The following HS6ST2 variants were observed in gnomAD, a reference collection of about 807,000 sequenced individuals.
The protein encoded by HS6ST2 is heparan-sulfate 6-O-sulfotransferase 2.
HS6ST2 carries 17 observed loss-of-function variants against 33.0 expected under a neutral mutation model. That is an observed-to-expected ratio of 0.52 (90% CI 0.35 to 0.77). The LOEUF is 0.77. Among genes scored for constraint, HS6ST2 ranks in the 30% least tolerant of loss-of-function variants. The pLI is 0.01. For synonymous variants in HS6ST2, 248 were observed against 237.1 expected, an observed-to-expected ratio of 1.05 and a Z score of -0.42; for missense variants, 519 against 551.7, an observed-to-expected ratio of 0.94 and a Z score of 0.59.
At chrX:132,863,634 C>A (rs1035192734) in intron 2 of HS6ST2, among the ~76,000 whole-genome samples, 2 of 110,490 alleles carry the variant, frequency 1.8e-5, no homozygotes, top group Admixed American at 9.7e-5. Flanking sequence ...ATATTTGGTT[C>A]TTAAAATCAT....
At chrX:132,863,946 C>T (rs183701016) in intron 2 of HS6ST2, among the ~76,000 whole-genome samples, 69 of 111,594 alleles carry the variant, frequency 6.2e-4, no homozygotes, top group African/African-American at 2.1e-3. Context: ...GCTGATGATA[C>T]CCAGGCAAAC....
intron 2 of HS6ST2, among the ~76,000 whole-genome samples, chrX:132,881,989 T>A (rs2066180283): frequency 9.0e-6 from 1 of 111,627 alleles, no homozygotes; most frequent in Non-Finnish European, 1.9e-5. Flanking sequence ...TCTATATCTC[T>A]GTTTTGGTAC....
chrX:132,884,755 T>A (rs1304646796), intron 2 of HS6ST2, among the ~76,000 whole-genome samples: 1 of 111,562 alleles, frequency 9.0e-6, no homozygotes, highest in Non-Finnish European at 1.9e-5. Flanking sequence ...TATCAGATCA[T>A]GTTTGTAGAC....
intron 2 of HS6ST2, chrX:132,907,476 G>GTT (rs2066485882): frequency 8.7e-6 from 1 of 114,950 alleles, no homozygotes; most frequent in Non-Finnish European, 1.8e-5. Flanking sequence ...GCAAGATATT[G>GTT]TAAGTAAAAA....
chrX:132,628,458 G>A lies in HS6ST2; in HGVS notation c.1703C>T (p.Thr568Ile), dbSNP rs1569474830. 1 of 1,210,445 alleles carries A rather than the reference G, an allele frequency of 8.3e-7. No individual in the cohort carries two copies. Among genetic ancestry groups the A allele is most frequent in the East Asian group, 3.0e-5 (1 of 33,758 alleles). The change falls in exon 5 of 5, where the codon ACC becomes ATC. Residue 568 changes from threonine to isoleucine, a missense_variant. Thr to Ile is a moderately conservative substitution (Grantham distance 89, BLOSUM62 -1). Coordinates refer to ENST00000370833, the MANE Select transcript of HS6ST2 (RefSeq NM_001394073.1). ...GCCCTGACCCTGGCTCTGGAAATGG[G>A]TCTGAAGGAGCCTTCCCTTCAGAAA... ...RKFLKGRLLQ[T>I]HFQSQGQGQS...
At chrX:132,641,010 T>G (rs2063598253) in intron 4 of HS6ST2, among the ~76,000 whole-genome samples, 1 of 112,055 alleles carries the variant, frequency 8.9e-6, no homozygotes, top group Non-Finnish European at 1.9e-5. Flanking sequence ...CAATTGGTAG[T>G]TTTTCAACCC....
chrX:132,911,101 G>A (rs2066529082), intron 2 of HS6ST2, among the ~76,000 whole-genome samples: 2 of 104,978 alleles, frequency 1.9e-5, no homozygotes, highest in Non-Finnish European at 3.9e-5. Flanking sequence ...ATTGAGCTGA[G>A]ATTGCAGCAC....
At chrX:132,880,055 G>A (rs189060963) in intron 2 of HS6ST2, among the ~76,000 whole-genome samples, 2 of 111,528 alleles carry the variant, frequency 1.8e-5, no homozygotes, top group East Asian at 5.7e-4. Context: ...AATGCCTAGC[G>A]GCTGGCATCC....
intron 2 of HS6ST2, among the ~76,000 whole-genome samples, chrX:132,777,367 G>T (rs1471328266): frequency 1.8e-5 from 2 of 109,491 alleles, no homozygotes; most frequent in Non-Finnish European, 3.8e-5. Context: ...AAAAAAATAA[G>T]TTAAAATGAT....
chrX:132,822,315 C>G (rs1393369553), intron 2 of HS6ST2, among the ~76,000 whole-genome samples: 1 of 111,440 alleles, frequency 9.0e-6, no homozygotes, highest in Non-Finnish European at 1.9e-5. Context: ...ACCTCTCCTT[C>G]CATCCCTGCC....
At chrX:132,892,701 C>A (rs1340901529) in intron 2 of HS6ST2, among the ~76,000 whole-genome samples, 3 of 111,578 alleles carry the variant, frequency 2.7e-5, no homozygotes, top group Non-Finnish European at 5.6e-5. Flanking sequence ...TGTCTGTAAT[C>A]CCAGCTACCC....
intron 2 of HS6ST2, among the ~76,000 whole-genome samples, chrX:132,754,381 A>G (rs993941614): frequency 5.5e-5 from 6 of 109,370 alleles, no homozygotes; most frequent in African/African-American, 2.0e-4. Flanking sequence ...AGGTTAATCC[A>G]TGGTAAGGAT....
chrX:132,920,162 G>C (rs761235006), intron 2 of HS6ST2, among the ~76,000 whole-genome samples: 1 of 110,826 alleles, frequency 9.0e-6, no homozygotes, highest in Non-Finnish European at 1.9e-5. Context: ...GATTCGGCCC[G>C]TCCATCCACC....
intron 2 of HS6ST2, among the ~76,000 whole-genome samples, chrX:132,797,632 G>A (rs1832421429): frequency 8.9e-6 from 1 of 111,828 alleles, no homozygotes; most frequent in African/African-American, 3.2e-5. Context: ...TGGAGAACAA[G>A]AGGAAAGTTC....
intron 2 of HS6ST2, among the ~76,000 whole-genome samples, chrX:132,770,798 C>T: frequency 9.0e-6 from 1 of 110,959 alleles, no homozygotes; most frequent in Non-Finnish European, 1.9e-5. Flanking sequence ...TTCTGGTGGG[C>T]AGTGTGGCTA....
chrX:132,766,764 T>C (rs1308439749), intron 2 of HS6ST2, among the ~76,000 whole-genome samples: 2 of 112,201 alleles, frequency 1.8e-5, no homozygotes, highest in African/African-American at 6.5e-5. Flanking sequence ...CAATACCACA[T>C]GTAATGAAGT....
intron 2 of HS6ST2, among the ~76,000 whole-genome samples, chrX:132,754,645 T>G (rs1450840400): frequency 9.1e-6 from 1 of 109,553 alleles, no homozygotes; most frequent in Admixed American, 9.8e-5. Context: ...TCTTGATCTC[T>G]GACCTCATGA....
At chrX:132,681,989 T>C (rs991234437) in intron 3 of HS6ST2, among the ~76,000 whole-genome samples, 2 of 112,009 alleles carry the variant, frequency 1.8e-5, no homozygotes, top group Admixed American at 1.9e-4. Context: ...ATCATGCTTA[T>C]TATTTAAAAT....
At chrX:132,883,823 G>A (rs973192148) in intron 2 of HS6ST2, among the ~76,000 whole-genome samples, 2 of 111,387 alleles carry the variant, frequency 1.8e-5, no homozygotes, top group African/African-American at 3.3e-5. Flanking sequence ...GCCACCAAAG[G>A]CTCTGCCCAC....
Sources: gnomAD v4.1 joint callset for allele counts (sites outside exome capture counted in the v4.1 genomes callset) on GRCh38, gnomAD v4.1.1 for gene constraint, MANE v1.5 for transcripts, NCBI Gene and HGNC (gene_info 2026-07-23, HGNC 2026-07-21) for gene names.